PSPH: variants seen among roughly 807,000 people sequenced by gnomAD.
PSPH encodes L-3-phosphoserine phosphatase.
In PSPH, 16 loss-of-function variants were observed where a neutral mutation model predicts 23.4. The ratio of observed to expected loss-of-function variants is 0.68; its 90% CI spans 0.46 to 1.04. PSPH has a LOEUF of 1.04. Ranked by LOEUF, PSPH falls within the 50% of genes least tolerant of loss-of-function variation. The pLI, the probability that PSPH is intolerant of heterozygous loss-of-function variation, is 0.00. For synonymous variants in PSPH, 68 were observed against 99.7 expected (o/e 0.68, Z 1.89); for missense variants, 223 against 273.7 (o/e 0.81, Z 1.31).
chr7:56,040,199 A>G (rs1437310172), intron 1 of PSPH, among the ~76,000 whole-genome samples: 1 of 152,182 alleles, frequency 6.6e-6, no homozygotes. Flanking sequence ...GGCATTCAAA[A>G]TAAGTCATAC....
chr7:56,018,218 C>T (rs1788843478), intron 5 of PSPH, among the ~76,000 whole-genome samples: 1 of 152,064 alleles, frequency 6.6e-6, no homozygotes. Context: ...TTGGCACATG[C>T]CTGTAATCCC....
intron 3 of PSPH, among the ~76,000 whole-genome samples, chr7:56,029,297 G>A (rs1002537869): frequency 1.2e-4 from 18 of 152,008 alleles, no homozygotes; most frequent in South Asian, 8.3e-4. Context: ...TGGATTCTTC[G>A]TATTTGGCTC....
chr7:56,020,292 A>G (rs1319865752), intron 4 of PSPH, among the ~76,000 whole-genome samples: 1 of 152,172 alleles, frequency 6.6e-6, no homozygotes, highest in Non-Finnish European at 1.5e-5. Context: ...AAATCAAGAA[A>G]GAGACCAAAG....
At chr7:56,021,428 T>TCTTTC (rs906217613) in intron 3 of PSPH, among the ~76,000 whole-genome samples, 197 bp from the exon 4 acceptor site, 1 of 133,076 alleles carries the variant, frequency 7.5e-6, no homozygotes, top group Non-Finnish European at 1.5e-5. Context: ...TTTCTTTCTT[T>TCTTTC]TTTTTTTTTA....
chr7:56,016,084 G>T (rs56273635), intron 6 of PSPH, among the ~76,000 whole-genome samples: 1 of 151,004 alleles, frequency 6.6e-6, no homozygotes, highest in African/African-American at 2.4e-5. Context: ...TTTTTTCAAT[G>T]ATCTCTATCT....
chr7:56,027,292 A>G (rs1790341382), intron 3 of PSPH, among the ~76,000 whole-genome samples: 1 of 152,090 alleles, frequency 6.6e-6, no homozygotes, highest in Non-Finnish European at 1.5e-5. Context: ...TGACTGATGG[A>G]CACCAGAATC....
chr7:56,027,447 C>T (rs574976289), intron 3 of PSPH, among the ~76,000 whole-genome samples: 35 of 152,128 alleles, frequency 2.3e-4, no homozygotes, highest in African/African-American at 4.6e-4. Context: ...TTACTTTGGC[C>T]GGGAGCGGTG....
rs202131596 is a variant in PSPH, at chr7:56,038,698, T to TGCACACACCTCGAG, written c.-291-4606_-291-4593dup. On this transcript the variant is annotated intron_variant, in intron 1 of 7. Transcript: ENST00000275605. The stretch of plus-strand genomic sequence containing the variant: ...AAAAATAAACAAAATTAGCTGGACG[T>TGCACACACCTCGAG]GCACACACCTCGAGGCACACACCTC... Among the ~76,000 whole-genome samples, 151 of 151,868 alleles carry TGCACACACCTCGAG rather than the reference T, an allele frequency of 9.9e-4. 2 individuals are homozygous for TGCACACACCTCGAG. The East Asian group carries it at 0.029, about 29-fold the overall frequency.
At chr7:56,017,191 T>C (rs201791099) in intron 6 of PSPH, 43 bp downstream of exon 6, 1 of 1,613,038 alleles carries the variant, frequency 6.2e-7, no homozygotes, top group East Asian at 2.2e-5. Context: ...TACTGAACAA[T>C]GGAACTGCTA....
At chr7:56,034,163 A>C (rs1299956190) in intron 1 of PSPH, 57 bp from the exon 2 acceptor site, 1 of 152,238 alleles carries the variant, frequency 6.6e-6, no homozygotes, top group African/African-American at 2.4e-5. Flanking sequence ...AACTGGAGAC[A>C]CCAGATCTGT....
rs754884909 is a variant in PSPH at position 56,021,060 on chromosome 7, A to C, written c.140+13T>G. 2.5e-6 allele frequency: 4 copies of C among 1,609,940 alleles called. No individual in the cohort carries two copies. The highest frequency in any genetic ancestry group is 3.4e-6 in the Non-Finnish European group (4 of 1,179,462). On this transcript the variant is annotated intron_variant, in intron 4 of 7. Transcript: ENST00000275605. Reference sequence around the variant, plus strand: ...CTTTATCATTTCATAAAGTGAATAAATGCTATCCCTACATTTCTGACACCG... The same window carrying C: ...CTTTATCATTTCATAAAGTGAATAACTGCTATCCCTACATTTCTGACACCG...
chr7:56,014,238 T>C (rs149116625), intron 7 of PSPH, among the ~76,000 whole-genome samples: 118 of 152,308 alleles, frequency 7.7e-4, no homozygotes, highest in Non-Finnish European at 1.4e-3. Context: ...ATTAAAATCT[T>C]GGTTATGAGT....
chr7:56,021,577 A>G (rs7784104), intron 3 of PSPH, among the ~76,000 whole-genome samples: 44,110 of 142,300 alleles, frequency 0.31, 6,525 homozygotes, highest in East Asian at 0.46. Flanking sequence ...CCTTGAAGCC[A>G]TCTTTCTTTT....
At chr7:56,030,794 G>A (rs1790872829) in intron 3 of PSPH, among the ~76,000 whole-genome samples, 1 of 152,108 alleles carries the variant, frequency 6.6e-6, no homozygotes, top group African/African-American at 2.4e-5. Context: ...AGCTACTCAG[G>A]AGGCTGAGGC....
chr7:56,016,403 CAAAA>C (rs1187610566), intron 6 of PSPH, among the ~76,000 whole-genome samples: 2 of 85,396 alleles, frequency 2.3e-5, no homozygotes, highest in African/African-American at 4.9e-5. Context: ...GACCCTGTCT[CAAAA>C]AAAAAAAAAA....
Position 56,039,292 on chromosome 7 carries a change from C to T in PSPH, c.-291-5186G>A, listed in dbSNP as rs186183757. ...TAATGTCATAAATGATAATTTACAA[C>T]ATAAAATTCAGGACAGTAGTTACTT... On this transcript the variant is annotated intron_variant, in intron 1 of 7. Transcript: ENST00000275605. Among the ~76,000 whole-genome samples the T allele has an allele frequency of 7.9e-4, 120 of 151,732 alleles. 1 individual carries two copies. The highest frequency in any genetic ancestry group is 2.9e-4 in the Non-Finnish European group (20 of 67,978).
intron 3 of PSPH, among the ~76,000 whole-genome samples, chr7:56,023,930 T>G (rs1789809009): frequency 6.6e-6 from 1 of 151,942 alleles, no homozygotes; most frequent in South Asian, 2.1e-4. Context: ...CTTTTTTTTT[T>G]TGTTTTTTTT....
chr7:56,045,929 G>C (rs368127323), intron 1 of PSPH, among the ~76,000 whole-genome samples: 30 of 150,190 alleles, frequency 2.0e-4, no homozygotes, highest in Admixed American at 5.3e-4. Flanking sequence ...TCCTGTGTCA[G>C]AGACAAAGAA....
intron 1 of PSPH, among the ~76,000 whole-genome samples, chr7:56,049,951 G>A (rs1484088866): frequency 6.6e-6 from 1 of 151,912 alleles, no homozygotes; most frequent in East Asian, 1.9e-4. Flanking sequence ...GGCCAGGATG[G>A]TCTTGAACTC....
Sources: gnomAD v4.1 joint callset for allele counts (sites outside exome capture counted in the v4.1 genomes callset) on GRCh38, gnomAD v4.1.1 for gene constraint, MANE v1.5 for transcripts, NCBI Gene and HGNC (gene_info 2026-07-23, HGNC 2026-07-21) for gene names.